The following INPP4A variants were observed in gnomAD, a reference collection of about 807,000 sequenced individuals.
INPP4A encodes the protein inositol polyphosphate-4-phosphatase type I A, also known as inositol polyphosphate-4-phosphatase, type I, 107kD.
In INPP4A, 33 loss-of-function variants were observed where a neutral mutation model predicts 119.8. That is an observed-to-expected ratio of 0.28 (90% CI 0.21 to 0.37). The LOEUF is 0.37. INPP4A is among the 10% of genes least tolerant of loss of function. INPP4A has a pLI of 1.00. For missense variants in INPP4A, 956 were observed against 1,289.9 expected, an observed-to-expected ratio of 0.74 and a Z score of 3.97; for synonymous variants, 496 against 500.7, an observed-to-expected ratio of 0.99 and a Z score of 0.12.
chr2:98,533,516 T>C (rs1362198542), intron 5 of INPP4A, 21 bp downstream of exon 5: 1 of 1,419,568 alleles, frequency 7.0e-7, no homozygotes, highest in East Asian at 2.3e-5. Context: ...GTGGTCTCTC[T>C]CTGAGGGGCT....
At chr2:98,563,263 G>A (rs1366447214) in intron 17 of INPP4A, among the ~76,000 whole-genome samples, 1 of 152,244 alleles carries the variant, frequency 6.6e-6, no homozygotes, top group East Asian at 1.9e-4. Flanking sequence ...TAGAACTGGT[G>A]TTTGAGGTTG....
chr2:98,494,625 A>T (rs1360623759), intron 1 of INPP4A, among the ~76,000 whole-genome samples: 1 of 135,132 alleles, frequency 7.4e-6, no homozygotes, highest in Non-Finnish European at 1.6e-5. Flanking sequence ...AGGGTGTTCT[A>T]AAAAAAAAAA....
rs1466071394 is a variant in INPP4A, at chr2:98,554,615, C to T, written c.1566+126C>T. 1 of 815,414 alleles carries T rather than the reference C, an allele frequency of 1.2e-6. No individual in the cohort carries two copies. Among genetic ancestry groups the T allele is most frequent in the Middle Eastern group, 3.7e-4 (1 of 2,714 alleles). The allele number at this position is 815,414 out of a possible 1,614,324, so 50.5% of individuals were successfully genotyped here. On this transcript the variant is annotated intron_variant, in intron 15 of 24. Transcript: ENST00000409851. The surrounding 1 kb of genome is among the most constrained non-coding windows in gnomAD (Gnocchi z 4.7). ...ACTGCTGTGAACAAGCTCCAGGTTT[C>T]CTTCCTGGATGGCTCCTTGGCTCCT...
intron 1 of INPP4A, among the ~76,000 whole-genome samples, chr2:98,507,422 A>G (rs1684282113): frequency 2.0e-5 from 3 of 152,266 alleles, no homozygotes; most frequent in Admixed American, 1.3e-4. Context: ...CATTCTGTTT[A>G]AAGTTTAAGA....
At position 98,570,006 on chromosome 2, in the gene INPP4A, A is replaced by G. The variant is rs1185018126; in HGVS notation, c.2518+1338A>G. On this transcript the variant is annotated intron_variant, in intron 22 of 24. Transcript: ENST00000409851. This position sits in a 1 kb window ranked among gnomAD's most constrained non-coding sequence, Gnocchi z 4.3. ...TTAGGGGGGTTTGGGCTGAGGATGC[A>G]CTCCTCAGCGGCCACGTGCAGCTGG... Among the ~76,000 whole-genome samples the G allele has an allele frequency of 6.6e-6, 1 of 151,742 alleles. No homozygotes were observed. The highest frequency in any genetic ancestry group is 2.4e-5 in the African/African-American group (1 of 41,250).
chr2:98,514,391 C>T (rs991871379), intron 1 of INPP4A, among the ~76,000 whole-genome samples: 1 of 152,210 alleles, frequency 6.6e-6, no homozygotes, highest in Non-Finnish European at 1.5e-5. Flanking sequence ...GAGAGAATCT[C>T]TGGAGCGGTA....
chr2:98,515,027 G>C (rs755500463), intron 1 of INPP4A, among the ~76,000 whole-genome samples: 3 of 152,154 alleles, frequency 2.0e-5, no homozygotes, highest in Non-Finnish European at 4.4e-5. Context: ...CACATAGGGC[G>C]GGCAGGGCAG....
In INPP4A at chr2:98,474,992, G is replaced by T. The variant is rs12477793; in HGVS notation, c.-166+29907G>T. The stretch of plus-strand genomic sequence containing the variant: ...GACAAGGGTGTACACTGTATCAGAA[G>T]TTTTTTTTCTTTGTGGCAACAGAAA... On this transcript the variant is annotated intron_variant, in intron 1 of 24. Coordinates refer to ENST00000409851, the MANE Select transcript of INPP4A (RefSeq NM_001134225.2). 8.1e-3 allele frequency among the ~76,000 whole-genome samples: 1,237 copies of T among 152,056 alleles called. 57 individuals are homozygous for T. Among genetic ancestry groups the T allele is most frequent in the Admixed American group, 0.072 (1,102 of 15,252 alleles).
At chr2:98,555,151 C>T (rs943529637) in intron 15 of INPP4A, among the ~76,000 whole-genome samples, 20 of 152,230 alleles carry the variant, frequency 1.3e-4, no homozygotes, top group African/African-American at 4.6e-4. Flanking sequence ...CTCCTCCTCC[C>T]CACCTCCCCT....
Position 98,554,034 on chromosome 2 carries a change from A to T in INPP4A, c.1348-237A>T, listed in dbSNP as rs1228817083. 6.6e-6 allele frequency among the ~76,000 whole-genome samples: 1 copy of T among 152,250 alleles called. No individual in the cohort carries two copies. The highest frequency in any genetic ancestry group is 1.5e-5 in the Non-Finnish European group (1 of 68,040). ...GATCAGAGAATGTCAGAGATTTCTC[A>T]ACCTCTTCTCTTCCTTGGTGGGAAA... On this transcript the variant is annotated intron_variant, in intron 14 of 24. Coordinates refer to ENST00000409851, the MANE Select transcript of INPP4A (RefSeq NM_001134225.2). The surrounding 1 kb of genome is among the most constrained non-coding windows in gnomAD (Gnocchi z 4.7).
intron 4 of INPP4A, among the ~76,000 whole-genome samples, chr2:98,524,496 A>G (rs1044090665): frequency 2.6e-5 from 4 of 152,188 alleles, no homozygotes; most frequent in African/African-American, 7.2e-5. Flanking sequence ...GTACGAAGGC[A>G]TGTTCTGAAG....
chr2:98,533,406 G>A lies in INPP4A; in HGVS notation c.181G>A (p.Asp61Asn). 1 of 1,613,552 alleles carries A rather than the reference G, an allele frequency of 6.2e-7. No individual in the cohort carries two copies. Among genetic ancestry groups the A allele is most frequent in the Non-Finnish European group, 8.5e-7 (1 of 1,179,766 alleles). The change falls in exon 5 of 25, where the codon GAT becomes AAT. Residue 61 changes from aspartate to asparagine, a missense_variant. Asp to Asn is a conservative substitution (Grantham distance 23). Transcript: ENST00000409851. ...ACSELHTPSL[D>N]RKPNSFVAVS... is the part of the protein sequence containing the mutation. ...CAGTGAGCTGCATACTCCATCGCTA[G>A]ATCGAAAGCCAAATAGTTTTGTTGC...
At chr2:98,581,036 G>A (rs1434064584) in intron 24 of INPP4A, among the ~76,000 whole-genome samples, 1 of 152,240 alleles carries the variant, frequency 6.6e-6, no homozygotes, top group Non-Finnish European at 1.5e-5. Flanking sequence ...TCTGCGCTTG[G>A]TTGGTTGGTA....
At position 98,587,686 on chromosome 2, in the gene INPP4A, G is replaced by C. The variant is rs1288255303; in HGVS notation, c.*78G>C. 9.1e-7 allele frequency: 1 copy of C among 1,097,814 alleles called. No individual in the cohort carries two copies. 68.0% of individuals were successfully genotyped at this position (1,097,814 alleles called of 1,614,324 possible). A position where few individuals can be genotyped will look rare whatever the true frequency, so the allele number is the denominator to read the frequency against. On this transcript the variant is annotated 3_prime_UTR_variant, in exon 25 of 25. Transcript: ENST00000409851. ...GTGTCATATATGAATTCTTCAAGAA[G>C]ACCTGAAGGATTGGTTTTTATTTTT...
At chr2:98,458,532 C>G (rs924433426) in intron 1 of INPP4A, among the ~76,000 whole-genome samples, 2 of 152,120 alleles carry the variant, frequency 1.3e-5, no homozygotes, top group African/African-American at 4.8e-5. Flanking sequence ...TAAAAACATT[C>G]AGATTTTTTT....
chr2:98,578,266 C>T (rs1011742174), intron 24 of INPP4A, among the ~76,000 whole-genome samples: 1 of 152,202 alleles, frequency 6.6e-6, no homozygotes, highest in South Asian at 2.1e-4. Flanking sequence ...TCCAGTGTGA[C>T]CCTGGTGCTG....
rs1263945000 is a variant in INPP4A at position 98,576,848 on chromosome 2, A to G, written c.2632-141A>G. The G allele has an allele frequency of 3.0e-6, 3 of 1,008,812 alleles. No individual in the cohort carries two copies. The African/African-American group carries it at 4.9e-5, about 17-fold the overall frequency. The allele number at this position is 1,008,812 out of a possible 1,614,324, so 62.5% of individuals were successfully genotyped here. A position where few individuals can be genotyped will look rare whatever the true frequency, so the allele number is the denominator to read the frequency against. On this transcript the variant is annotated intron_variant, in intron 23 of 24. Coordinates refer to ENST00000409851, the MANE Select transcript of INPP4A (RefSeq NM_001134225.2). ...GCAGGGCATGGAGTTGGGGAACAAA[A>G]TTGGAGCGTCTGGCCAGGCCTGGGT...
chr2:98,568,855 C>A (rs908101444), intron 22 of INPP4A, 187 bp downstream of exon 22: 8 of 567,734 alleles, frequency 1.4e-5, no homozygotes, highest in Admixed American at 1.2e-4. Context: ...GGCCCTCATT[C>A]ATCTCTTTGC....
chr2:98,533,010 C>T (rs17505088), intron 4 of INPP4A, among the ~76,000 whole-genome samples: 36,779 of 152,148 alleles, frequency 0.24, 4,607 homozygotes, highest in Middle Eastern at 0.35. Flanking sequence ...TCTTAGATTT[C>T]GTAGACTCTG....
Sources: gnomAD v4.1 joint callset for allele counts (sites outside exome capture counted in the v4.1 genomes callset) on GRCh38, gnomAD v4.1.1 for gene constraint, Gnocchi (gnomAD v3.1) non-coding constraint, MANE v1.5 for transcripts, NCBI Gene and HGNC (gene_info 2026-07-23, HGNC 2026-07-21) for gene names.